ZNF723: variants seen among roughly 807,000 people sequenced by gnomAD.
ZNF723 encodes zinc finger protein 723.
ZNF723 carries 5 observed loss-of-function variants against 9.4 expected under a neutral mutation model. That is an observed-to-expected ratio of 0.53 (90% CI 0.28 to 1.12). The LOEUF (loss-of-function observed/expected upper bound fraction) is 1.12. Ranked by LOEUF, ZNF723 falls within the 50% of genes most tolerant of loss-of-function variation. The pLI is 0.10. For missense variants in ZNF723, 450 were observed against 501.5 expected, an observed-to-expected ratio of 0.90 and a Z score of 0.98; for synonymous variants, 158 against 168.8, an observed-to-expected ratio of 0.94 and a Z score of 0.49.
At position 22,856,021 on chromosome 19, in the gene ZNF723, G is replaced by A. The variant is rs568959647; in HGVS notation, c.227-1097G>A. ...GTCTCCCAGGCTGGAGTGCAATGGC[G>A]TGGTCTTGGCTCACTGCAACTTCCA... On this transcript the variant is annotated intron_variant, in intron 3 of 3. Transcript: ENST00000600766. Among the ~76,000 whole-genome samples the A allele has an allele frequency of 4.6e-5, 7 of 152,106 alleles. No homozygotes were observed. In the South Asian group the frequency reaches 6.2e-4, roughly 14 times the overall value.
rs566281777 is a variant in ZNF723 at position 22,832,364 on chromosome 19, C to G, written c.-16C>G. 1.4e-6 allele frequency: 2 copies of G among 1,380,198 alleles called. No homozygotes were observed. The highest frequency in any genetic ancestry group is 1.2e-5 in the South Asian group (1 of 86,772). 85.5% of individuals were successfully genotyped at this position (1,380,198 alleles called of 1,614,324 possible). A position where few individuals can be genotyped will look rare whatever the true frequency, so the allele number is the denominator to read the frequency against. On this transcript the variant is annotated 5_prime_UTR_variant, in exon 1 of 4. Transcript: ENST00000600766. ...GATCCACAGCTAAGACGCCAGGACTCCCTGGAAGCCTAGAAATGGTGAGAG... is the reference window on the plus strand; with the variant it reads ...GATCCACAGCTAAGACGCCAGGACTGCCTGGAAGCCTAGAAATGGTGAGAG...
upstream of ZNF723, among the ~76,000 whole-genome samples, chr19:22,831,659 C>T (rs1967097375): frequency 6.6e-6 from 1 of 152,032 alleles, no homozygotes; most frequent in African/African-American, 2.4e-5. Flanking sequence ...GCCTGTAATC[C>T]CAGCACTTTG....
chr19:22,837,584 G>A (rs1967183020), intron 1 of ZNF723, among the ~76,000 whole-genome samples: 1 of 152,162 alleles, frequency 6.6e-6, no homozygotes, highest in African/African-American at 2.4e-5. Context: ...CTGTACACAG[G>A]CCGTCACACT....
intron 1 of ZNF723, among the ~76,000 whole-genome samples, chr19:22,845,889 CTTT>C (rs1214348571): frequency 1.3e-4 from 16 of 124,340 alleles, no homozygotes; most frequent in African/African-American, 1.9e-4. Flanking sequence ...AAAAATATGC[CTTT>C]TTTTTTTTTT....
the ZNF723 span, among the ~76,000 whole-genome samples, chr19:22,822,290 G>A: frequency 6.6e-6 from 1 of 152,214 alleles, no homozygotes; most frequent in African/African-American, 2.4e-5. Context: ...TGCAGATGCA[G>A]TTCACAGTTA....
At position 22,857,358 on chromosome 19, in the gene ZNF723, A is replaced by G; in HGVS notation, c.467A>G (p.Lys156Arg). The change falls in exon 4 of 4, where the codon AAA (lysine) becomes AGA (arginine). Residue 156 changes from lysine (K) to arginine (R), a missense_variant. By Grantham distance (26) the Lys-to-Arg change is conservative. Coordinates refer to ENST00000600766, the MANE Select transcript of ZNF723 (RefSeq NM_001349726.2). ...QCDKYVKVFH[K>R]FSSSNSQKIR... ...GATAAATATGTAAAAGTCTTTCATA[A>G]ATTTTCAAGTTCAAATAGCCAGAAG... 3 of 831,468 alleles carry G rather than the reference A, an allele frequency of 3.6e-6. No individual in the cohort carries two copies. The highest frequency in any genetic ancestry group is 2.4e-5 in the East Asian group (1 of 41,274). 51.5% of individuals were successfully genotyped at this position (831,468 alleles called of 1,614,324 possible). A position where few individuals can be genotyped will look rare whatever the true frequency, so the allele number is the denominator to read the frequency against.
chr19:22,843,933 C>T (rs768567634), intron 1 of ZNF723, among the ~76,000 whole-genome samples: 1 of 152,124 alleles, frequency 6.6e-6, no homozygotes, highest in Non-Finnish European at 1.5e-5. Context: ...GAAAGCAGAA[C>T]TGGAAATACG....
At chr19:22,837,834 A>G (rs1293188948) in intron 1 of ZNF723, among the ~76,000 whole-genome samples, 3 of 152,072 alleles carry the variant, frequency 2.0e-5, no homozygotes, top group African/African-American at 7.2e-5. Flanking sequence ...AATCCCACAA[A>G]ATTGTCTACA....
chr19:22,843,871 TA>T (rs933611443), intron 1 of ZNF723, among the ~76,000 whole-genome samples: 1 of 151,998 alleles, frequency 6.6e-6, no homozygotes, highest in Non-Finnish European at 1.5e-5. Context: ...GGGCAGTGGC[TA>T]AAAAAAATTA....
At chr19:22,850,723 G>A (rs955074938) in intron 3 of ZNF723, among the ~76,000 whole-genome samples, 15 of 152,030 alleles carry the variant, frequency 9.9e-5, no homozygotes, top group Admixed American at 2.0e-4. Context: ...AAGATATGAA[G>A]TTACTATTAA....
chr19:22,857,869 A>C lies in ZNF723; in HGVS notation c.978A>C (p.Ser326=). The C allele has an allele frequency of 7.1e-7, 1 of 1,408,602 alleles. No homozygotes were observed. The highest frequency in any genetic ancestry group is 1.0e-6 in the Non-Finnish European group (1 of 993,564). The allele number at this position is 1,408,602 out of a possible 1,614,324, so 87.3% of individuals were successfully genotyped here. Reference sequence around the variant, plus strand: ...GTGGCAAAGCCTTTAACCAGCCCTCACACCTTGCTACACATAAGAGAATTC... The same window carrying C: ...GTGGCAAAGCCTTTAACCAGCCCTCCCACCTTGCTACACATAAGAGAATTC... ...EECGKAFNQP[S]HLATHKRIHT... is the part of the protein sequence containing the mutation. Residue 326 remains serine, a synonymous_variant, in exon 4 of 4, where the codon TCA becomes TCC. Coordinates refer to ENST00000600766, the MANE Select transcript of ZNF723 (RefSeq NM_001349726.2).
At chr19:22,855,743 C>T (rs1229142614) in intron 3 of ZNF723, among the ~76,000 whole-genome samples, 1 of 152,014 alleles carries the variant, frequency 6.6e-6, no homozygotes, top group Non-Finnish European at 1.5e-5. Context: ...CCCTTCTGGC[C>T]TCCAAAATTT....
At chr19:22,832,835 C>T (rs1335852555) in intron 1 of ZNF723, among the ~76,000 whole-genome samples, 1 of 152,112 alleles carries the variant, frequency 6.6e-6, no homozygotes, top group African/African-American at 2.4e-5. Context: ...TATAGAGCAC[C>T]CCTATGGGTT....
the ZNF723 span, among the ~76,000 whole-genome samples, chr19:22,822,422 C>T: frequency 1.3e-5 from 2 of 152,304 alleles, no homozygotes; most frequent in Non-Finnish European, 2.9e-5. Context: ...GATATGTTGA[C>T]TCTTATAGGT....
intron 3 of ZNF723, among the ~76,000 whole-genome samples, chr19:22,850,999 A>G (rs556190380): frequency 3.1e-4 from 47 of 152,132 alleles, no homozygotes; most frequent in Middle Eastern, 3.4e-3. Context: ...CCAGTTTGTT[A>G]TTGATATTAT....
At chr19:22,851,849 C>T (rs550261235) in intron 3 of ZNF723, among the ~76,000 whole-genome samples, 3 of 152,100 alleles carry the variant, frequency 2.0e-5, no homozygotes, top group African/African-American at 2.4e-5. Context: ...GGCAATGGCG[C>T]GATCTGGGCT....
the ZNF723 span, among the ~76,000 whole-genome samples, chr19:22,814,055 GC>G: frequency 6.6e-6 from 1 of 151,832 alleles, no homozygotes; most frequent in African/African-American, 2.4e-5. Context: ...CTTATGATCC[GC>G]CCACCTCGGC....
At chr19:22,839,059 G>C (rs1312323248) in intron 1 of ZNF723, among the ~76,000 whole-genome samples, 1 of 151,956 alleles carries the variant, frequency 6.6e-6, no homozygotes, top group Non-Finnish European at 1.5e-5. Flanking sequence ...CTAGAAATGG[G>C]GTTTCTTCAT....
Position 22,857,953 on chromosome 19 carries a change from A to G in ZNF723, c.1062A>G (p.Ser354=). 1 of 1,509,352 alleles carries G rather than the reference A, an allele frequency of 6.6e-7. No homozygotes were observed. The allele number at this position is 1,509,352 out of a possible 1,614,324, so 93.5% of individuals were successfully genotyped here. The change falls in exon 4 of 4, where the codon TCA becomes TCG. Residue 354 remains serine, a synonymous_variant. Transcript: ENST00000600766. The part of the protein sequence containing the change: ...EECGKAFSQS[S]HITTHKRIHT... Reference sequence around the variant, plus strand: ...GTGGCAAAGCATTCAGCCAGTCCTCACACATTACTACACATAAGAGAATTC... The same window carrying G: ...GTGGCAAAGCATTCAGCCAGTCCTCGCACATTACTACACATAAGAGAATTC...
Sources: gnomAD v4.1 joint callset for allele counts (sites outside exome capture counted in the v4.1 genomes callset) on GRCh38, gnomAD v4.1.1 for gene constraint, MANE v1.5 for transcripts, NCBI Gene and HGNC (gene_info 2026-07-23, HGNC 2026-07-21) for gene names.